The following SBF2 variants were observed in gnomAD, a reference collection of about 807,000 sequenced individuals.
SBF2 encodes the protein SET binding factor 2.
In SBF2, 112 loss-of-function variants were observed where a neutral mutation model predicts 225.2. That is an observed-to-expected ratio of 0.50 (90% CI 0.43 to 0.58). The LOEUF (loss-of-function observed/expected upper bound fraction) is 0.58. SBF2 is among the 20% of genes least tolerant of loss of function. SBF2 has a pLI of 0.00. For synonymous variants in SBF2, 763 were observed against 773.3 expected (o/e 0.99, Z 0.22); for missense variants, 1,996 against 2,206.2 (o/e 0.90, Z 1.91).
rs1950028680 is a variant in SBF2, at chr11:10,050,704, C to T, written c.142-7723G>A. 2.0e-5 allele frequency among the ~76,000 whole-genome samples: 3 copies of T among 148,694 alleles called. 1 individual carries two copies. The highest frequency in any genetic ancestry group is 4.6e-5 in the Non-Finnish European group (3 of 65,650). Reference sequence around the variant, plus strand: ...GACATAGCTATAGGCTACTATTGACCTTCTGATGGTAAATCAGATAAGATG... The same window carrying T: ...GACATAGCTATAGGCTACTATTGACTTTCTGATGGTAAATCAGATAAGATG... On this transcript the variant is annotated intron_variant, in intron 2 of 39. Coordinates refer to ENST00000256190, the MANE Select transcript of SBF2 (RefSeq NM_030962.4).
chr11:10,148,500 AT>A (rs77547170), intron 2 of SBF2, among the ~76,000 whole-genome samples: 17 of 149,902 alleles, frequency 1.1e-4, no homozygotes, highest in South Asian at 2.1e-4. Flanking sequence ...CTAAATACCT[AT>A]TTTTTTTTTA....
At chr11:10,276,466 T>G (rs1962966894) in intron 1 of SBF2, among the ~76,000 whole-genome samples, 1 of 152,212 alleles carries the variant, frequency 6.6e-6, no homozygotes, top group Non-Finnish European at 1.5e-5. Flanking sequence ...TCTCTTCTTA[T>G]GGTCCCAATA....
At chr11:10,159,793 G>T (rs1955648208) in intron 2 of SBF2, among the ~76,000 whole-genome samples, 1 of 152,042 alleles carries the variant, frequency 6.6e-6, no homozygotes, top group Admixed American at 6.5e-5. Context: ...AGGGGGCTGA[G>T]GCAGGAGAAT....
At chr11:9,961,862 G>T in intron 16 of SBF2, 95 bp downstream of exon 16, 1 of 1,156,136 alleles carries the variant, frequency 8.6e-7, no homozygotes, top group Non-Finnish European at 1.3e-6. Flanking sequence ...GCTGTGGTAG[G>T]CTCAAGAACT....
At chr11:10,145,523 C>T (rs1954844608) in intron 2 of SBF2, among the ~76,000 whole-genome samples, 1 of 152,018 alleles carries the variant, frequency 6.6e-6, no homozygotes, top group South Asian at 2.1e-4. Context: ...TTAAAAACTA[C>T]CACAGCTTTT....
chr11:10,167,272 A>G (rs1255122912), intron 2 of SBF2, among the ~76,000 whole-genome samples: 1 of 152,222 alleles, frequency 6.6e-6, no homozygotes, highest in South Asian at 2.1e-4. Context: ...TATACTTCAC[A>G]TTAAAGATAT....
chr11:10,017,598 A>T (rs544227622), intron 6 of SBF2, among the ~76,000 whole-genome samples: 1 of 152,344 alleles, frequency 6.6e-6, no homozygotes, highest in Non-Finnish European at 1.5e-5. Context: ...TTACAAATTT[A>T]GCATTATTTC....
At chr11:10,088,160 A>T (rs1365473052) in intron 2 of SBF2, among the ~76,000 whole-genome samples, 2 of 151,772 alleles carry the variant, frequency 1.3e-5, no homozygotes, top group African/African-American at 4.8e-5. Context: ...AGTAGCTGAG[A>T]CTATAGGTGC....
chr11:10,084,762 T>A (rs141089142), intron 2 of SBF2, among the ~76,000 whole-genome samples: 41 of 152,300 alleles, frequency 2.7e-4, no homozygotes, highest in African/African-American at 9.6e-4. Flanking sequence ...TAAAAAAGAA[T>A]GTAATCATGT....
In SBF2 at chr11:10,223,399, T is replaced by TTATATATATATATATA. The variant is rs3074175; in HGVS notation, c.56-29428_56-29413dup. ...CAATAAACAACACATATTTTGCACATTATATATATATATATATATATATAT... is the reference window on the plus strand; with the variant it reads ...CAATAAACAACACATATTTTGCACATTATATATATATATATATATATATATATATATATATATATAT... On this transcript the variant is annotated intron_variant, in intron 1 of 39. Coordinates refer to ENST00000256190, the MANE Select transcript of SBF2 (RefSeq NM_030962.4). 2.7e-4 allele frequency among the ~76,000 whole-genome samples: 16 copies of TTATATATATATATATA among 59,266 alleles called. 1 individual carries two copies. The highest frequency in any genetic ancestry group is 6.3e-4 in the Admixed American group (3 of 4,756). 38.9% of individuals were successfully genotyped at this position (59,266 alleles called of 152,430 possible). A position where few individuals can be genotyped will look rare whatever the true frequency, so the allele number is the denominator to read the frequency against.
chr11:9,781,274 G>T (rs1279624949), intron 39 of SBF2, among the ~76,000 whole-genome samples: 3 of 152,212 alleles, frequency 2.0e-5, no homozygotes, highest in Non-Finnish European at 4.4e-5. Context: ...ATGTGCGCTG[G>T]ACTCCTTTTG....
At chr11:9,983,917 A>C (rs1947075142) in intron 13 of SBF2, among the ~76,000 whole-genome samples, 4 of 152,324 alleles carry the variant, frequency 2.6e-5, no homozygotes, top group Non-Finnish European at 5.9e-5. Flanking sequence ...GGGACAAAAT[A>C]ATCTGAACAA....
chr11:10,204,692 C>T (rs1000158771), intron 1 of SBF2, among the ~76,000 whole-genome samples: 5 of 151,572 alleles, frequency 3.3e-5, no homozygotes, highest in Admixed American at 6.6e-5. Flanking sequence ...CTGATACATG[C>T]TACGTATCAT....
chr11:9,962,678 C>T (rs192933871), intron 15 of SBF2, among the ~76,000 whole-genome samples: 97 of 152,276 alleles, frequency 6.4e-4, no homozygotes, highest in African/African-American at 2.2e-3. Context: ...AAACTCTTTT[C>T]GCTTTACAAC....
At chr11:9,785,385 A>C in intron 36 of SBF2, 67 bp from the exon 37 acceptor site, 1 of 1,248,996 alleles carries the variant, frequency 8.0e-7, no homozygotes, top group Non-Finnish European at 1.2e-6. Flanking sequence ...GGAAAATTTC[A>C]TTTACAAATA....
intron 1 of SBF2, among the ~76,000 whole-genome samples, chr11:10,241,071 C>T (rs895664189): frequency 6.6e-6 from 1 of 152,068 alleles, no homozygotes; most frequent in Non-Finnish European, 1.5e-5. Context: ...GAGAAAGTGG[C>T]CAGGAGCGGT....
intron 26 of SBF2, among the ~76,000 whole-genome samples, chr11:9,836,596 A>G (rs1004689790): frequency 6.6e-6 from 1 of 152,116 alleles, no homozygotes; most frequent in African/African-American, 2.4e-5. Context: ...TTTTTATGTA[A>G]CTCTTAGAAT....
intron 16 of SBF2, among the ~76,000 whole-genome samples, chr11:9,939,028 T>C (rs146389644): frequency 6.6e-6 from 1 of 152,106 alleles, no homozygotes; most frequent in Non-Finnish European, 1.5e-5. Flanking sequence ...AAAGTATACA[T>C]AAGCAAGTCA....
At chr11:10,197,254 T>C (rs1957410335) in intron 1 of SBF2, among the ~76,000 whole-genome samples, 1 of 152,166 alleles carries the variant, frequency 6.6e-6, no homozygotes, top group African/African-American at 2.4e-5. Flanking sequence ...TCTTTCAAAC[T>C]GGTAGAGGAT....
Sources: allele counts gnomAD v4.1 joint callset (sites outside exome capture counted in the v4.1 genomes callset), GRCh38; gene constraint gnomAD v4.1.1; transcripts MANE v1.5; gene names NCBI Gene and HGNC (gene_info 2026-07-23, HGNC 2026-07-21).